Variants in RGS7 observed in about 807,000 individuals in gnomAD.
RGS7 encodes regulator of G-protein signaling 7.
A neutral mutation model predicts 81.1 loss-of-function variants in RGS7; 27 were observed. That is an observed-to-expected ratio of 0.33 (90% CI 0.25 to 0.46). RGS7 has a LOEUF of 0.46. Ranked by LOEUF, RGS7 falls within the 20% of genes least tolerant of loss-of-function variation. The pLI, the probability that RGS7 is intolerant of heterozygous loss-of-function variation, is 1.00. For missense variants in RGS7, 396 were observed against 607.4 expected, an observed-to-expected ratio of 0.65 and a Z score of 3.66; for synonymous variants, 208 against 207.7, an observed-to-expected ratio of 1.00 and a Z score of -0.01.
chr1:240,963,818 T>G (rs1304883008), intron 4 of RGS7, among the ~76,000 whole-genome samples: 1 of 152,188 alleles, frequency 6.6e-6, no homozygotes, highest in Non-Finnish European at 1.5e-5. Context: ...AGTAAGCCTA[T>G]ACAGATATGG....
chr1:241,334,698 T>C (rs61827965), intron 2 of RGS7, among the ~76,000 whole-genome samples: 28,233 of 152,050 alleles, frequency 0.19, 2,817 homozygotes, highest in East Asian at 0.29. Context: ...AAAATATCCA[T>C]GGATTTTTCA....
chr1:241,296,933 G>GTT (rs113575346), intron 2 of RGS7, among the ~76,000 whole-genome samples: 5 of 145,598 alleles, frequency 3.4e-5, no homozygotes, highest in Non-Finnish European at 7.6e-5. Flanking sequence ...AATTAGCTGG[G>GTT]TTTTTTTTTT....
chr1:241,123,794 T>G (rs947908825), intron 2 of RGS7, among the ~76,000 whole-genome samples: 3 of 152,038 alleles, frequency 2.0e-5, no homozygotes, highest in African/African-American at 7.2e-5. Flanking sequence ...GGTTTTGGTA[T>G]CAAATAAGCC....
intron 2 of RGS7, among the ~76,000 whole-genome samples, chr1:241,110,286 G>A (rs1346299972): frequency 6.6e-6 from 1 of 152,098 alleles, no homozygotes; most frequent in Non-Finnish European, 1.5e-5. Context: ...CCCCCTTTCA[G>A]ATGGAGAGAC....
chr1:240,903,431 A>G (rs560665105), intron 6 of RGS7, among the ~76,000 whole-genome samples: 5 of 152,164 alleles, frequency 3.3e-5, no homozygotes, highest in African/African-American at 1.2e-4. Flanking sequence ...GGACAGCACA[A>G]ATCTCCTTCG....
At chr1:240,814,925 G>A in intron 11 of RGS7, 148 bp from the exon 12 acceptor site, 2 of 665,114 alleles carry the variant, frequency 3.0e-6, no homozygotes, top group Non-Finnish European at 2.7e-6. Context: ...AGAAGCAGAG[G>A]GCTCTTAAAG....
At chr1:241,273,178 C>CG (rs1553305850) in intron 2 of RGS7, among the ~76,000 whole-genome samples, 2 of 110,426 alleles carry the variant, frequency 1.8e-5, no homozygotes, top group Non-Finnish European at 4.2e-5. Flanking sequence ...ATAATGAACC[C>CG]CCCCCCCCAA....
At chr1:240,948,113 T>G (rs540205519) in intron 4 of RGS7, among the ~76,000 whole-genome samples, 4 of 152,242 alleles carry the variant, frequency 2.6e-5, no homozygotes, top group African/African-American at 9.6e-5. Context: ...TATCTTTTAG[T>G]TGGCTTTCAT....
chr1:241,108,249 G>A (rs539232117), intron 2 of RGS7, among the ~76,000 whole-genome samples: 38 of 144,592 alleles, frequency 2.6e-4, no homozygotes, highest in African/African-American at 9.9e-4. Context: ...GCTGCAGTGA[G>A]CCGAGAACAC....
rs757242418 is a variant in RGS7, at chr1:240,806,304, G to A, written c.1105C>T (p.Leu369=). ...NLRFWLAVED[L]KKRPIKEVPS... is the part of the protein sequence containing the mutation. ...ACTTCTTTAATAGGCCTCTTTTTCA[G>A]GTCCTCCACTGCCAGCCAGAATCTA... The change falls in exon 15 of 19, where the codon CTG becomes TTG. Residue 369 remains leucine, a synonymous_variant. Coordinates refer to ENST00000440928, the MANE Select transcript of RGS7 (RefSeq NM_001364886.1). 2.5e-6 allele frequency: 4 copies of A among 1,613,800 alleles called. No homozygotes were observed. The highest frequency in any genetic ancestry group is 8.5e-7 in the Non-Finnish European group (1 of 1,179,900).
chr1:240,952,849 T>C (rs1387788576), intron 4 of RGS7, among the ~76,000 whole-genome samples: 1 of 151,756 alleles, frequency 6.6e-6, no homozygotes, highest in East Asian at 1.9e-4. Context: ...GGAAAAGAGA[T>C]ACCATGTTCA....
rs1219614609 is a variant in RGS7, at chr1:241,164,434, C to T, written c.79-65672G>A. On this transcript the variant is annotated intron_variant, in intron 2 of 18. Coordinates refer to ENST00000440928, the MANE Select transcript of RGS7 (RefSeq NM_001364886.1). This position sits in a 1 kb window ranked among gnomAD's most constrained non-coding sequence, Gnocchi z 4.1. ...TGCATTGGTCTTTTCAGCGTCCGGT[C>T]CCCATCCTGAAGCCACCTAGGGACT... Among the ~76,000 whole-genome samples, 2 of 152,118 alleles carry T rather than the reference C, an allele frequency of 1.3e-5. No homozygotes were observed. The highest frequency in any genetic ancestry group is 2.9e-5 in the Non-Finnish European group (2 of 68,030).
intron 3 of RGS7, among the ~76,000 whole-genome samples, chr1:241,052,353 G>A (rs992130082): frequency 5.9e-5 from 9 of 152,130 alleles, no homozygotes; most frequent in African/African-American, 2.2e-4. Flanking sequence ...AACATTTGAG[G>A]TGGACGTTAA....
At chr1:240,872,744 C>A (rs1056868543) in intron 6 of RGS7, among the ~76,000 whole-genome samples, 2 of 152,136 alleles carry the variant, frequency 1.3e-5, no homozygotes, top group Non-Finnish European at 2.9e-5. Flanking sequence ...TTTCCCAATT[C>A]ATTGAAGACT....
intron 3 of RGS7, among the ~76,000 whole-genome samples, chr1:241,083,797 A>G (rs1460677775): frequency 1.3e-5 from 2 of 152,210 alleles, no homozygotes; most frequent in African/African-American, 4.8e-5. Flanking sequence ...AATTTCTGAC[A>G]CAATGTTTTA....
In RGS7 at chr1:241,271,330, T is replaced by C. The variant is rs1007017773; in HGVS notation, c.78+84369A>G. 9.2e-5 allele frequency among the ~76,000 whole-genome samples: 14 copies of C among 152,192 alleles called. No homozygotes were observed. The highest frequency in any genetic ancestry group is 5.9e-5 in the Non-Finnish European group (4 of 68,032). On this transcript the variant is annotated intron_variant, in intron 2 of 18. Coordinates refer to ENST00000440928, the MANE Select transcript of RGS7 (RefSeq NM_001364886.1). This position sits in a 1 kb window ranked among gnomAD's most constrained non-coding sequence, Gnocchi z 4.6. ...CACATGAGGACCAGTAAAAAATCTG[T>C]ACTGAACTGAAATTTTTATGCCTCA... is the stretch of plus-strand genomic sequence containing the variant.
At chr1:240,828,425 G>A (rs780629731) in intron 9 of RGS7, among the ~76,000 whole-genome samples, 2 of 152,224 alleles carry the variant, frequency 1.3e-5, no homozygotes, top group African/African-American at 2.4e-5. Context: ...TAGAAGTGAT[G>A]AGAAGTTAAT....
chr1:240,899,610 G>A (rs554447662), intron 6 of RGS7, among the ~76,000 whole-genome samples: 6 of 152,256 alleles, frequency 3.9e-5, no homozygotes, highest in Non-Finnish European at 7.3e-5. Flanking sequence ...TTGAATGTTG[G>A]CCCCTACTCT....
intron 3 of RGS7, among the ~76,000 whole-genome samples, chr1:241,036,351 C>T (rs1016166305): frequency 6.6e-6 from 1 of 152,112 alleles, no homozygotes; most frequent in African/African-American, 2.4e-5. Context: ...AATATTTCTA[C>T]AAAATATTAT....
Sources: allele counts gnomAD v4.1 joint callset (sites outside exome capture counted in the v4.1 genomes callset), GRCh38; gene constraint gnomAD v4.1.1; non-coding constraint Gnocchi (gnomAD v3.1); transcripts MANE v1.5; gene names NCBI Gene and HGNC (gene_info 2026-07-23, HGNC 2026-07-21).